The following DHX35 variants were observed in gnomAD, a reference collection of about 807,000 sequenced individuals.
DHX35 encodes the protein DEAH-box helicase 35.
A neutral mutation model predicts 99.6 loss-of-function variants in DHX35; 84 were observed. The ratio of observed to expected loss-of-function variants is 0.84; its 90% CI spans 0.71 to 1.01. The LOEUF is 1.01. Among genes scored for constraint, DHX35 ranks in the 50% least tolerant of loss-of-function variants. DHX35 has a pLI of 0.00. For missense variants in DHX35, 852 were observed against 888.5 expected, an observed-to-expected ratio of 0.96 and a Z score of 0.52; for synonymous variants, 331 against 316.2, an observed-to-expected ratio of 1.05 and a Z score of -0.50.
chr20:38,980,100 C>T (rs544039891), intron 3 of DHX35, among the ~76,000 whole-genome samples: 15 of 152,196 alleles, frequency 9.9e-5, no homozygotes, highest in African/African-American at 3.1e-4. Context: ...TTTAAATTTC[C>T]ACCTCTCAGC....
At chr20:38,993,205 T>C (rs1420962372) in intron 7 of DHX35, among the ~76,000 whole-genome samples, 1 of 152,196 alleles carries the variant, frequency 6.6e-6, no homozygotes, top group Non-Finnish European at 1.5e-5. Context: ...ATCTCTAAAA[T>C]GGGGAAAATA....
chr20:39,005,042 A>G (rs2086590062), intron 11 of DHX35, among the ~76,000 whole-genome samples: 1 of 133,868 alleles, frequency 7.5e-6, no homozygotes, highest in African/African-American at 2.8e-5. Flanking sequence ...TGTAAAACGT[A>G]AATAATAATA....
chr20:39,020,417 A>G (rs1043941122), intron 15 of DHX35, among the ~76,000 whole-genome samples: 2 of 152,204 alleles, frequency 1.3e-5, no homozygotes, highest in Non-Finnish European at 2.9e-5. Flanking sequence ...TTGTGAGGAC[A>G]TGGGTTCTAG....
intron 3 of DHX35, among the ~76,000 whole-genome samples, chr20:38,980,541 G>A (rs1166949756): frequency 1.4e-5 from 2 of 138,750 alleles, no homozygotes. Context: ...TGTGTTGATT[G>A]GGGTGGTTGG....
chr20:39,016,738 G>T (rs1335301351), intron 14 of DHX35, among the ~76,000 whole-genome samples: 1 of 152,060 alleles, frequency 6.6e-6, no homozygotes, highest in Non-Finnish European at 1.5e-5. Flanking sequence ...GGTATCTCTT[G>T]GTTTTGATTT....
chr20:38,983,554 G>A, intron 3 of DHX35, 145 bp from the exon 4 acceptor site: 1 of 598,886 alleles, frequency 1.7e-6, no homozygotes, highest in Non-Finnish European at 2.9e-6. Context: ...TCCTCCATCT[G>A]TAAAATAATT....
At chr20:39,028,339 G>T (rs1568760552) in intron 18 of DHX35, 79 bp from the exon 19 acceptor site, 1 of 1,414,494 alleles carries the variant, frequency 7.1e-7, no homozygotes, top group Non-Finnish European at 1.0e-6. Flanking sequence ...GGTGCTGGGA[G>T]TGGATCCTGT....
At position 39,039,445 on chromosome 20, in the gene DHX35, A is replaced by G. The variant is rs1321050228; in HGVS notation, c.*902A>G. 1.3e-5 allele frequency: 2 copies of G among 152,558 alleles called. No individual in the cohort carries two copies. Among genetic ancestry groups the G allele is most frequent in the Non-Finnish European group, 2.9e-5 (2 of 68,038 alleles). The allele number at this position is 152,558 out of a possible 1,614,324, so 9.5% of individuals were successfully genotyped here. A position where few individuals can be genotyped will look rare whatever the true frequency, so the allele number is the denominator to read the frequency against. On this transcript the variant is annotated 3_prime_UTR_variant, in exon 22 of 22. Transcript: ENST00000252011. The stretch of plus-strand genomic sequence containing the variant: ...CGTGGGGACAGTTCTTCCAGCAGGC[A>G]CTGGTTTTGTTGCCCCAGGGCTGCT...
intron 2 of DHX35, among the ~76,000 whole-genome samples, chr20:38,969,499 T>A (rs2085961623): frequency 6.6e-6 from 1 of 152,160 alleles, no homozygotes; most frequent in African/African-American, 2.4e-5. Context: ...CAATTTCAGA[T>A]ATACAGAAAA....
At chr20:38,970,658 T>G (rs1401570366) in intron 2 of DHX35, among the ~76,000 whole-genome samples, 2 of 152,178 alleles carry the variant, frequency 1.3e-5, no homozygotes, top group Non-Finnish European at 2.9e-5. Flanking sequence ...AGCACCTACC[T>G]CATAGGACTG....
chr20:39,018,700 C>A, intron 14 of DHX35, 104 bp from the exon 15 acceptor site: 1 of 1,137,142 alleles, frequency 8.8e-7, no homozygotes, highest in Non-Finnish European at 1.3e-6. Context: ...CTTTTGGATA[C>A]TTTCTTCTTT....
At position 38,974,892 on chromosome 20, in the gene DHX35, C is replaced by T. The variant is rs567435825; in HGVS notation, c.267+2241C>T. Among the ~76,000 whole-genome samples the T allele has an allele frequency of 2.8e-4, 42 of 152,230 alleles. 1 individual carries two copies. The highest frequency in any genetic ancestry group is 8.9e-4 in the African/African-American group (37 of 41,514). ...TAGGTGGCAGTTTCAGCCAACAGAG[C>T]GGCCAGGGAGCAGGAGAACTGGTTC... On this transcript the variant is annotated intron_variant, in intron 3 of 21. Transcript: ENST00000252011.
chr20:38,977,390 A>G lies in DHX35; in HGVS notation c.267+4739A>G, dbSNP rs781458412. On this transcript the variant is annotated intron_variant, in intron 3 of 21. Transcript: ENST00000252011. ...GTATATATGAAATAATACACTGTGC[A>G]TCTTCTTTTGAGAAATGTCTATTCA... Among the ~76,000 whole-genome samples, 6 of 152,278 alleles carry G rather than the reference A, an allele frequency of 3.9e-5. No homozygotes were observed. The East Asian group carries it at 5.8e-4, about 15-fold the overall frequency.
intron 21 of DHX35, 103 bp from the exon 22 acceptor site, chr20:39,038,396 A>T: frequency 7.8e-7 from 1 of 1,274,770 alleles, no homozygotes; most frequent in Non-Finnish European, 1.1e-6. Flanking sequence ...GAAGGTGTGG[A>T]CCAGATGGAA....
intron 11 of DHX35, among the ~76,000 whole-genome samples, chr20:39,005,405 A>G (rs1421800564): frequency 1.3e-5 from 2 of 152,122 alleles, no homozygotes; most frequent in Non-Finnish European, 2.9e-5. Context: ...TTGGATCTCT[A>G]TAGGGTTGGC....
intron 10 of DHX35, among the ~76,000 whole-genome samples, chr20:39,003,261 A>G (rs1272173724): frequency 4.6e-5 from 7 of 152,170 alleles, no homozygotes; most frequent in Non-Finnish European, 1.0e-4. Context: ...TGGCCATATT[A>G]CTGGTAAAAC....
chr20:38,969,230 A>G lies in DHX35; in HGVS notation c.174+16A>G, dbSNP rs771274475. On this transcript the variant is annotated intron_variant, in intron 2 of 21. Coordinates refer to ENST00000252011, the MANE Select transcript of DHX35 (RefSeq NM_021931.4). ...GGTATTCAAGGTACGTCAAATAATC[A>G]TGTTCAACCTGTGGGCTTGAATCGT... 31 of 1,600,596 alleles carry G rather than the reference A, an allele frequency of 1.9e-5. No homozygotes were observed. The highest frequency in any genetic ancestry group is 1.6e-5 in the Non-Finnish European group (19 of 1,170,814).
chr20:38,992,547 A>C, intron 7 of DHX35, 122 bp downstream of exon 7: 1 of 882,340 alleles, frequency 1.1e-6, no homozygotes, highest in Non-Finnish European at 1.9e-6. Context: ...ATCATCCATA[A>C]TCCTACCCAT....
intron 3 of DHX35, chr20:38,978,503 C>T (rs6028233): frequency 0.34 from 148,306 of 441,650 alleles, 25,169 homozygotes; most frequent in Middle Eastern, 0.43. Flanking sequence ...CTGTGCAGGG[C>T]GGAATCACAC....
Sources: gnomAD v4.1 joint callset for allele counts (sites outside exome capture counted in the v4.1 genomes callset) on GRCh38, gnomAD v4.1.1 for gene constraint, MANE v1.5 for transcripts, NCBI Gene and HGNC (gene_info 2026-07-23, HGNC 2026-07-21) for gene names.